STAG1: variants seen among roughly 807,000 people sequenced by gnomAD.
STAG1 encodes the protein STAG1 cohesin complex component.
A neutral mutation model predicts 170.9 loss-of-function variants in STAG1; 26 were observed. The observed-to-expected ratio is 0.15, with a 90% CI of 0.11 to 0.21. The LOEUF (loss-of-function observed/expected upper bound fraction) is 0.21. STAG1 is among the 10% of genes least tolerant of loss of function. The pLI is 1.00. For synonymous variants in STAG1, 514 were observed against 497.7 expected, an observed-to-expected ratio of 1.03 and a Z score of -0.44; for missense variants, 964 against 1,509.5, an observed-to-expected ratio of 0.64 and a Z score of 5.99.
At chr3:136,371,207 T>C (rs1439927351) in intron 23 of STAG1, among the ~76,000 whole-genome samples, 1 of 152,206 alleles carries the variant, frequency 6.6e-6, no homozygotes, top group Non-Finnish European at 1.5e-5. Context: ...GATGTGGTTG[T>C]TTTTTTCTTG....
intron 1 of STAG1, among the ~76,000 whole-genome samples, chr3:136,658,750 T>G (rs1354678543): frequency 2.0e-5 from 3 of 152,232 alleles, no homozygotes; most frequent in Non-Finnish European, 1.5e-5. Context: ...TATATTTAAC[T>G]GTCAAAAGTA....
chr3:136,528,505 C>CCA lies in STAG1; in HGVS notation c.472-7089_472-7088insTG, dbSNP rs397727041. The stretch of plus-strand genomic sequence containing the variant: ...ACAGATGTCCCCGCACCCCCCCCCC[C>CCA]AAAAAATCACTAAGTCCTGGAAAAG... On this transcript the variant is annotated intron_variant, in intron 6 of 33. Coordinates refer to ENST00000383202, the MANE Select transcript of STAG1 (RefSeq NM_005862.3). Among the ~76,000 whole-genome samples, 180 of 146,618 alleles carry CCA rather than the reference C, an allele frequency of 1.2e-3. 4 individuals are homozygous for CCA. The highest frequency in any genetic ancestry group is 8.9e-4 in the South Asian group (4 of 4,470).
intron 1 of STAG1, among the ~76,000 whole-genome samples, chr3:136,669,528 A>G (rs1316493391): frequency 2.0e-5 from 3 of 151,546 alleles, no homozygotes; most frequent in Non-Finnish European, 4.4e-5. Context: ...CTAAATTTTT[A>G]TTTTTATTTT....
chr3:136,663,273 T>C (rs112057661), intron 1 of STAG1, among the ~76,000 whole-genome samples: 7 of 152,260 alleles, frequency 4.6e-5, no homozygotes, highest in African/African-American at 1.4e-4. Flanking sequence ...CCAGGAACTG[T>C]CCTAAGAACT....
intron 6 of STAG1, among the ~76,000 whole-genome samples, chr3:136,528,084 C>A (rs1484729536): frequency 6.6e-6 from 1 of 152,180 alleles, no homozygotes; most frequent in African/African-American, 2.4e-5. Flanking sequence ...AAACTCCGTG[C>A]TGGGAGAACC....
chr3:136,464,757 C>A lies in STAG1; in HGVS notation c.1313+124G>T, dbSNP rs541492220. On this transcript the variant is annotated intron_variant, in intron 13 of 33. Transcript: ENST00000383202. ...ATAGGCTGTGAGGCTGTTATAGCCC[C>A]TGGAGTATCAGATGGACATTTTCAG... 2.1e-4 allele frequency: 148 copies of A among 716,642 alleles called. No individual in the cohort carries two copies. In the African/African-American group the frequency reaches 2.4e-3, roughly 11 times the overall value. The allele number at this position is 716,642 out of a possible 1,614,324, so 44.4% of individuals were successfully genotyped here.
chr3:136,366,512 G>C (rs1937078885), intron 25 of STAG1, among the ~76,000 whole-genome samples: 1 of 152,026 alleles, frequency 6.6e-6, no homozygotes, highest in Non-Finnish European at 1.5e-5. Flanking sequence ...AATTGGAATT[G>C]GACTACACCC....
intron 1 of STAG1, among the ~76,000 whole-genome samples, chr3:136,747,285 A>G (rs1934989783): frequency 6.6e-6 from 1 of 151,574 alleles, no homozygotes; most frequent in African/African-American, 2.4e-5. Context: ...AAAAAAAAAA[A>G]AAGAATTCTC....
intron 5 of STAG1, among the ~76,000 whole-genome samples, chr3:136,551,689 T>C (rs958866964): frequency 6.6e-6 from 1 of 151,904 alleles, no homozygotes; most frequent in South Asian, 2.1e-4. Flanking sequence ...CATGGCTCAC[T>C]GCAGCCTCAA....
rs556799294 is a variant in STAG1, at chr3:136,348,447, C to G, written c.3271+711G>C. Among the ~76,000 whole-genome samples the G allele has an allele frequency of 6.9e-4, 105 of 152,140 alleles. 3 individuals are homozygous for G. The highest frequency in any genetic ancestry group is 1.4e-3 in the Non-Finnish European group (93 of 68,020). On this transcript the variant is annotated intron_variant, in intron 29 of 33. Transcript: ENST00000383202. ...TTAAATGATGGGAGTCTTCCTCTGT[C>G]GCCCAGGCTGGAGTGCAGTGGCATG...
chr3:136,747,978 G>C (rs919355180), intron 1 of STAG1, among the ~76,000 whole-genome samples: 1 of 151,624 alleles, frequency 6.6e-6, no homozygotes, highest in Admixed American at 6.6e-5. Flanking sequence ...GGGTTTCACC[G>C]TGTTGCCAGG....
At chr3:136,745,676 C>T (rs990604153) in intron 1 of STAG1, among the ~76,000 whole-genome samples, 115 of 152,166 alleles carry the variant, frequency 7.6e-4, no homozygotes, top group Non-Finnish European at 1.6e-3. Context: ...CCAGTTTCTA[C>T]CAGGCCAAAG....
At chr3:136,373,170 T>C (rs1396758799) in intron 23 of STAG1, among the ~76,000 whole-genome samples, 3 of 152,234 alleles carry the variant, frequency 2.0e-5, no homozygotes, top group Non-Finnish European at 4.4e-5. Flanking sequence ...TGGTAGTTTG[T>C]ATTTCTGTAG....
intron 5 of STAG1, among the ~76,000 whole-genome samples, chr3:136,555,357 A>G (rs1180708035): frequency 6.6e-6 from 1 of 151,430 alleles, no homozygotes; most frequent in Non-Finnish European, 1.5e-5. Context: ...TAATAATAAT[A>G]AAATACCTCA....
At chr3:136,372,685 C>T (rs944467901) in intron 23 of STAG1, among the ~76,000 whole-genome samples, 2 of 152,132 alleles carry the variant, frequency 1.3e-5, no homozygotes, top group African/African-American at 4.8e-5. Flanking sequence ...GCCTTGCATC[C>T]CAGGAATGAA....
intron 1 of STAG1, among the ~76,000 whole-genome samples, chr3:136,728,135 G>A (rs1374792529): frequency 6.6e-6 from 1 of 151,796 alleles, no homozygotes; most frequent in African/African-American, 2.4e-5. Flanking sequence ...TCCAGCCTGG[G>A]CAACAAGTGC....
chr3:136,707,387 G>C (rs1943257264), intron 1 of STAG1, among the ~76,000 whole-genome samples: 1 of 152,086 alleles, frequency 6.6e-6, no homozygotes, highest in Non-Finnish European at 1.5e-5. Flanking sequence ...GACTTGAAAA[G>C]ACATTTTTCC....
At chr3:136,402,311 G>A (rs61789644) in intron 21 of STAG1, among the ~76,000 whole-genome samples, 2,017 of 151,726 alleles carry the variant, frequency 0.013, 28 homozygotes, top group Middle Eastern at 0.031. Flanking sequence ...TCCTCCTCCC[G>A]GGTTCAAGTG....
At chr3:136,639,737 C>T (rs1045145364) in intron 1 of STAG1, among the ~76,000 whole-genome samples, 8 of 152,094 alleles carry the variant, frequency 5.3e-5, no homozygotes, top group African/African-American at 1.4e-4. Context: ...TCATTTCAAG[C>T]GTTCATATAA....
Sources: gnomAD v4.1 joint callset for allele counts (sites outside exome capture counted in the v4.1 genomes callset) on GRCh38, gnomAD v4.1.1 for gene constraint, MANE v1.5 for transcripts, NCBI Gene and HGNC (gene_info 2026-07-23, HGNC 2026-07-21) for gene names.